The following PTPRO variants were observed in gnomAD, a reference collection of about 807,000 sequenced individuals.
PTPRO encodes receptor-type tyrosine-protein phosphatase O.
In PTPRO, 62 loss-of-function variants were observed where a neutral mutation model predicts 145.2. The observed-to-expected ratio is 0.43, with a 90% CI of 0.35 to 0.53. The LOEUF is 0.53. PTPRO is among the 20% of genes least tolerant of loss of function. The pLI, the probability that PTPRO is intolerant of heterozygous loss-of-function variation, is 0.01. For synonymous variants in PTPRO, 565 were observed against 514.7 expected, an observed-to-expected ratio of 1.10 and a Z score of -1.32; for missense variants, 1,345 against 1,482.7, an observed-to-expected ratio of 0.91 and a Z score of 1.53.
intron 1 of PTPRO, among the ~76,000 whole-genome samples, chr12:15,432,190 TC>T (rs2136342945): frequency 6.6e-6 from 1 of 152,266 alleles, no homozygotes; most frequent in East Asian, 1.9e-4. Flanking sequence ...TGTCCATTGT[TC>T]CCCTCTATGT....
At chr12:15,330,454 G>T (rs1307997179) in intron 1 of PTPRO, among the ~76,000 whole-genome samples, 1 of 152,180 alleles carries the variant, frequency 6.6e-6, no homozygotes, top group Non-Finnish European at 1.5e-5. Flanking sequence ...TGGATAGTCT[G>T]CTCTTGAGAT....
intron 3 of PTPRO, among the ~76,000 whole-genome samples, chr12:15,498,497 G>C (rs1942153398): frequency 6.6e-6 from 1 of 152,184 alleles, no homozygotes; most frequent in South Asian, 2.1e-4. Context: ...GGCAGAGGTT[G>C]CAGTGAGCCT....
chr12:15,465,360 A>G (rs1374846355), intron 1 of PTPRO, among the ~76,000 whole-genome samples: 1 of 152,250 alleles, frequency 6.6e-6, no homozygotes, highest in East Asian at 1.9e-4. Flanking sequence ...TGTTCTAGCT[A>G]TATTCTGTTT....
chr12:15,520,097 G>A (rs1006873416), intron 9 of PTPRO, 104 bp from the exon 10 acceptor site: 1 of 739,450 alleles, frequency 1.4e-6, no homozygotes, highest in Admixed American at 2.0e-5. Context: ...ACAATATAAA[G>A]GAAAATTAAA....
chr12:15,504,329 T>TCAA, intron 6 of PTPRO, among the ~76,000 whole-genome samples: 1 of 152,188 alleles, frequency 6.6e-6, no homozygotes, highest in African/African-American at 2.4e-5. Flanking sequence ...TAAACTGACC[T>TCAA]TTCACATTAG....
At chr12:15,362,012 T>C (rs556033717) in intron 1 of PTPRO, among the ~76,000 whole-genome samples, 1 of 152,264 alleles carries the variant, frequency 6.6e-6, no homozygotes, top group Non-Finnish European at 1.5e-5. Flanking sequence ...GTCCAAATCA[T>C]AGATCGGACC....
intron 2 of PTPRO, among the ~76,000 whole-genome samples, chr12:15,496,749 C>G (rs1306374100): frequency 6.6e-6 from 1 of 152,066 alleles, no homozygotes; most frequent in Non-Finnish European, 1.5e-5. Flanking sequence ...AAAATAAGTG[C>G]TATGTTCACA....
intron 1 of PTPRO, among the ~76,000 whole-genome samples, chr12:15,425,350 G>T (rs990118829): frequency 1.3e-5 from 2 of 152,018 alleles, no homozygotes; most frequent in African/African-American, 2.4e-5. Context: ...TATGTTACAG[G>T]TAAGAAAACT....
chr12:15,418,327 CT>C (rs1401518710), intron 1 of PTPRO, among the ~76,000 whole-genome samples: 6 of 151,732 alleles, frequency 4.0e-5, no homozygotes, highest in Admixed American at 6.5e-5. Context: ...CATAATTTCT[CT>C]GGGGTTCACA....
intron 1 of PTPRO, among the ~76,000 whole-genome samples, chr12:15,457,693 G>A (rs551733636): frequency 2.6e-4 from 40 of 152,002 alleles, no homozygotes; most frequent in Middle Eastern, 6.8e-3. Context: ...CTTTTATTAT[G>A]TTATCTATTT....
At chr12:15,457,696 A>G (rs1424243978) in intron 1 of PTPRO, among the ~76,000 whole-genome samples, 1 of 152,126 alleles carries the variant, frequency 6.6e-6, no homozygotes, top group Non-Finnish European at 1.5e-5. Flanking sequence ...TTATTATGTT[A>G]TCTATTTTAA....
chr12:15,571,714 G>A (rs1377252275), intron 19 of PTPRO, among the ~76,000 whole-genome samples: 1 of 151,950 alleles, frequency 6.6e-6, no homozygotes, highest in Non-Finnish European at 1.5e-5. Flanking sequence ...AACAGGGGAG[G>A]ATTTTGATGG....
At chr12:15,506,377 T>C (rs1942321619) in intron 6 of PTPRO, among the ~76,000 whole-genome samples, 2 of 152,234 alleles carry the variant, frequency 1.3e-5, no homozygotes. Flanking sequence ...TTCAGGCAGC[T>C]TGTTTATATC....
intron 1 of PTPRO, among the ~76,000 whole-genome samples, chr12:15,419,275 G>T (rs1418395972): frequency 6.7e-6 from 1 of 149,558 alleles, no homozygotes; most frequent in Non-Finnish European, 1.5e-5. Context: ...GCGGGGGAGG[G>T]GGGCTAATTG....
At chr12:15,552,795 C>T (rs202076467) in intron 15 of PTPRO, among the ~76,000 whole-genome samples, 78 of 91,530 alleles carry the variant, frequency 8.5e-4, no homozygotes, top group East Asian at 1.1e-3. Context: ...GAGGTCAAAT[C>T]TTTTTTTTTT....
chr12:15,574,204 TTTC>T (rs1478106892), intron 19 of PTPRO, among the ~76,000 whole-genome samples: 1 of 152,188 alleles, frequency 6.6e-6, no homozygotes, highest in African/African-American at 2.4e-5. Context: ...ACTGAATAAA[TTTC>T]TTTTTTACTC....
chr12:15,554,279 T>A (rs1292634719), intron 15 of PTPRO, among the ~76,000 whole-genome samples: 1 of 152,118 alleles, frequency 6.6e-6, no homozygotes, highest in Non-Finnish European at 1.5e-5. Context: ...GGATTCCAGG[T>A]CAGAGTTGGG....
At chr12:15,544,587 G>A (rs1943244935) in intron 12 of PTPRO, among the ~76,000 whole-genome samples, 2 of 151,770 alleles carry the variant, frequency 1.3e-5, no homozygotes, top group Admixed American at 1.3e-4. Context: ...GAGAAATAAG[G>A]GAAGAGCCTC....
chr12:15,545,143 G>A (rs1288952686), intron 12 of PTPRO, among the ~76,000 whole-genome samples: 1 of 152,098 alleles, frequency 6.6e-6, no homozygotes, highest in African/African-American at 2.4e-5. Context: ...ATGTGTACCT[G>A]TCAAAGCAGT....
Sources: allele counts gnomAD v4.1 joint callset (sites outside exome capture counted in the v4.1 genomes callset), GRCh38; gene constraint gnomAD v4.1.1; transcripts MANE v1.5; gene names NCBI Gene and HGNC (gene_info 2026-07-23, HGNC 2026-07-21).